CSMD1: variants seen among roughly 807,000 people sequenced by gnomAD.
The protein encoded by CSMD1 is CUB and sushi domain-containing protein 1.
CSMD1 carries 213 observed loss-of-function variants against 417.5 expected under a neutral mutation model. The ratio of observed to expected loss-of-function variants is 0.51; its 90% CI spans 0.46 to 0.57. The LOEUF is 0.57. CSMD1 is among the 20% of genes least tolerant of loss of function. The pLI, the probability that CSMD1 is intolerant of heterozygous loss-of-function variation, is 0.00. For missense variants in CSMD1, 6,923 were observed against 4,529.7 expected (o/e 1.53, Z -15.17); for synonymous variants, 2,862 against 1,736.8 (o/e 1.65, Z -16.11).
intron 1 of CSMD1, among the ~76,000 whole-genome samples, chr8:4,975,232 A>C (rs770218321): frequency 6.6e-6 from 1 of 152,202 alleles, no homozygotes; most frequent in Non-Finnish European, 1.5e-5. Flanking sequence ...ATATCAGAAA[A>C]AAAGTCTCCA....
chr8:3,596,321 G>A (rs956573201), intron 8 of CSMD1, among the ~76,000 whole-genome samples: 4 of 152,116 alleles, frequency 2.6e-5, no homozygotes, highest in Non-Finnish European at 4.4e-5. Context: ...GGCAGCAGCT[G>A]GAGCTAACCA....
At chr8:3,327,085 C>T (rs975426227) in intron 23 of CSMD1, among the ~76,000 whole-genome samples, 8 of 151,360 alleles carry the variant, frequency 5.3e-5, no homozygotes, top group African/African-American at 1.2e-4. Context: ...CACAGAAACA[C>T]GTGCAGAGTC....
At chr8:2,958,997 T>C (rs1233429338) in intron 62 of CSMD1, among the ~76,000 whole-genome samples, 3 of 152,202 alleles carry the variant, frequency 2.0e-5, no homozygotes, top group Non-Finnish European at 2.9e-5. Flanking sequence ...AGTATGAATT[T>C]ATAAAGAAAA....
In CSMD1 at chr8:4,140,991, A is replaced by C. The variant is rs1487651600; in HGVS notation, c.416-108892T>G. 2.6e-5 allele frequency among the ~76,000 whole-genome samples: 4 copies of C among 151,278 alleles called. 1 individual carries two copies. The highest frequency in any genetic ancestry group is 7.4e-5 in the African/African-American group (3 of 40,560). On this transcript the variant is annotated intron_variant, in intron 3 of 69. Coordinates refer to ENST00000635120, the MANE Select transcript of CSMD1 (RefSeq NM_033225.6). ...AATGGGAAGAAAACATAAAAGATTT[A>C]GGCAGACAGAAAGACAGGTAATATT...
intron 12 of CSMD1, among the ~76,000 whole-genome samples, chr8:3,411,207 C>T (rs1446092294): frequency 6.6e-6 from 1 of 152,124 alleles, no homozygotes; most frequent in Non-Finnish European, 1.5e-5. Flanking sequence ...AAAAGTGAGT[C>T]CCAGGAAATT....
At chr8:3,064,082 G>A (rs1440099764) in intron 49 of CSMD1, among the ~76,000 whole-genome samples, 2 of 152,186 alleles carry the variant, frequency 1.3e-5, no homozygotes, top group African/African-American at 2.4e-5. Context: ...TTCATTTACA[G>A]GTGAAGAAAT....
At chr8:3,193,632 C>T (rs545821849) in intron 33 of CSMD1, among the ~76,000 whole-genome samples, 2 of 152,088 alleles carry the variant, frequency 1.3e-5, no homozygotes, top group African/African-American at 4.8e-5. Context: ...GCTGTGAAGC[C>T]AAATTGAAAT....
At chr8:4,087,061 C>T (rs1341788379) in intron 3 of CSMD1, among the ~76,000 whole-genome samples, 1 of 152,178 alleles carries the variant, frequency 6.6e-6, no homozygotes, top group Admixed American at 6.5e-5. Flanking sequence ...TGGGCTAGCC[C>T]AAGAGAGATG....
At chr8:4,588,749 C>A (rs1799835622) in intron 2 of CSMD1, among the ~76,000 whole-genome samples, 1 of 149,710 alleles carries the variant, frequency 6.7e-6, no homozygotes, top group South Asian at 2.1e-4. Flanking sequence ...TGCACCACTG[C>A]ACTCCAGCCT....
At chr8:4,217,891 CA>C (rs1458908828) in intron 3 of CSMD1, among the ~76,000 whole-genome samples, 4 of 152,060 alleles carry the variant, frequency 2.6e-5, no homozygotes, top group Admixed American at 2.0e-4. Flanking sequence ...GAGGTGGTTT[CA>C]GATGAGACTA....
intron 6 of CSMD1, among the ~76,000 whole-genome samples, chr8:3,746,595 T>C (rs964360763): frequency 6.6e-6 from 1 of 152,232 alleles, no homozygotes; most frequent in African/African-American, 2.4e-5. Context: ...CGTGGGATTT[T>C]TATTCATTAA....
At chr8:4,709,413 T>C (rs558665657) in intron 1 of CSMD1, among the ~76,000 whole-genome samples, 8 of 152,248 alleles carry the variant, frequency 5.3e-5, no homozygotes, top group Admixed American at 4.6e-4. Flanking sequence ...AAAGACTCTT[T>C]TTACTTGGGG....
intron 3 of CSMD1, among the ~76,000 whole-genome samples, chr8:4,035,341 T>C (rs1797561421): frequency 6.6e-6 from 1 of 152,236 alleles, no homozygotes; most frequent in African/African-American, 2.4e-5. Context: ...CTGGTTTTTC[T>C]ACTTACTATA....
intron 5 of CSMD1, among the ~76,000 whole-genome samples, chr8:3,912,795 G>C (rs1000114197): frequency 9.9e-5 from 15 of 152,202 alleles, no homozygotes; most frequent in Non-Finnish European, 1.6e-4. Context: ...TGCAATGCTA[G>C]CTAGAGTAAA....
chr8:3,754,950 G>A (rs2129054171), intron 5 of CSMD1, among the ~76,000 whole-genome samples: 1 of 124,268 alleles, frequency 8.0e-6, no homozygotes, highest in African/African-American at 3.1e-5. Flanking sequence ...ATAAAATTAT[G>A]TTTTAAGAAA....
chr8:4,815,338 A>C (rs1441336762), intron 1 of CSMD1, among the ~76,000 whole-genome samples: 3 of 152,190 alleles, frequency 2.0e-5, no homozygotes, highest in Non-Finnish European at 4.4e-5. Flanking sequence ...ATGACATCAC[A>C]GTCCCACTGT....
chr8:3,270,046 C>CTTTTT (rs200994813), intron 26 of CSMD1, among the ~76,000 whole-genome samples: 3,059 of 118,068 alleles, frequency 0.026, 189 homozygotes, highest in Non-Finnish European at 0.04. Flanking sequence ...CTAACCTCTT[C>CTTTTT]TTTTTTTTTT....
intron 18 of CSMD1, chr8:3,375,157 T>C (rs968245196): frequency 2.0e-4 from 31 of 152,200 alleles, no homozygotes; most frequent in African/African-American, 7.2e-4. Context: ...TCCAACTGTG[T>C]TGAACTTCCA....
At chr8:3,313,220 A>T (rs112875783) in intron 23 of CSMD1, among the ~76,000 whole-genome samples, 1,958 of 152,326 alleles carry the variant, frequency 0.013, 39 homozygotes, top group African/African-American at 0.044. Context: ...CAAAGACTTC[A>T]TGTCTAAAAC....
Sources: allele counts gnomAD v4.1 joint callset (sites outside exome capture counted in the v4.1 genomes callset), GRCh38; gene constraint gnomAD v4.1.1; transcripts MANE v1.5; gene names NCBI Gene and HGNC (gene_info 2026-07-23, HGNC 2026-07-21).